The following ADGRL3 variants were observed in gnomAD, a reference collection of about 807,000 sequenced individuals.
ADGRL3 encodes adhesion G protein-coupled receptor L3, also known as calcium-independent alpha-latrotoxin receptor 3.
Under a neutral mutation model 153.5 loss-of-function variants are expected in ADGRL3, and 62 were observed. That is an observed-to-expected ratio of 0.40 (90% CI 0.33 to 0.50). The LOEUF (loss-of-function observed/expected upper bound fraction) is 0.50. ADGRL3 is among the 20% of genes least tolerant of loss of function. The probability of loss-of-function intolerance (pLI) is 0.47; values close to 1 mark genes in which losing one functional copy is unlikely to be tolerated. For synonymous variants in ADGRL3, 710 were observed against 672.5 expected (o/e 1.06, Z -0.86); for missense variants, 1,641 against 1,859.4 (o/e 0.88, Z 2.16).
intron 1 of ADGRL3, among the ~76,000 whole-genome samples, chr4:61,215,970 A>C (rs1417431325): frequency 1.3e-5 from 2 of 152,094 alleles, no homozygotes; most frequent in Non-Finnish European, 2.9e-5. Flanking sequence ...TTCATCTGTA[A>C]GTAGAAGATA....
At chr4:61,465,758 A>AATATATATATAC in intron 2 of ADGRL3, among the ~76,000 whole-genome samples, 1 of 130,156 alleles carries the variant, frequency 7.7e-6, no homozygotes, top group South Asian at 2.5e-4. Flanking sequence ...ATTATATATA[A>AATATATATATAC]ATATATATAT....
intron 23 of ADGRL3, among the ~76,000 whole-genome samples, chr4:62,034,775 G>C (rs1451431748): frequency 2.0e-5 from 3 of 151,830 alleles, no homozygotes. Flanking sequence ...CTTTTTCTGA[G>C]TATGGATTGT....
At chr4:61,523,062 T>TGC (rs1042817334) in intron 4 of ADGRL3, among the ~76,000 whole-genome samples, 1 of 150,982 alleles carries the variant, frequency 6.6e-6, no homozygotes, top group Non-Finnish European at 1.5e-5. Flanking sequence ...ATTGTGCGTG[T>TGC]GTGTGTGTGT....
At chr4:61,889,896 AG>A (rs2098561174) in intron 9 of ADGRL3, among the ~76,000 whole-genome samples, 1 of 152,182 alleles carries the variant, frequency 6.6e-6, no homozygotes, top group African/African-American at 2.4e-5. Context: ...CACCTCCCAG[AG>A]AGTTATATGC....
Position 61,296,196 on chromosome 4 carries a change from G to GT in ADGRL3, c.-239-86922dup, listed in dbSNP as rs201357855. On this transcript the variant is annotated intron_variant, in intron 1 of 26. Transcript: ENST00000683033. ...AAAGCAAAGCTAACTTAATAATACT[G>GT]TTTTTTCTGTTGCTGTGTCAAATTA... Among the ~76,000 whole-genome samples, 1,016 of 152,224 alleles carry GT rather than the reference G, an allele frequency of 6.7e-3. 21 individuals carry two copies. The highest frequency in any genetic ancestry group is 0.023 in the African/African-American group (968 of 41,528).
chr4:61,561,881 C>A (rs943611625), intron 4 of ADGRL3, among the ~76,000 whole-genome samples: 1 of 151,944 alleles, frequency 6.6e-6, no homozygotes, highest in Non-Finnish European at 1.5e-5. Flanking sequence ...CTTAAGCAAT[C>A]GTACCACCTC....
intron 7 of ADGRL3, among the ~76,000 whole-genome samples, 153 bp downstream of exon 7, chr4:61,730,789 T>C (rs1284350607): frequency 6.6e-6 from 1 of 151,962 alleles, no homozygotes; most frequent in African/African-American, 2.4e-5. Flanking sequence ...TTAATCTGTA[T>C]TACTGACAAG....
At chr4:61,466,676 A>G (rs1240952076) in intron 2 of ADGRL3, among the ~76,000 whole-genome samples, 8 of 152,156 alleles carry the variant, frequency 5.3e-5, no homozygotes, top group Admixed American at 1.3e-4. Context: ...TATGGTGCAA[A>G]GTAGGCACTC....
intron 8 of ADGRL3, among the ~76,000 whole-genome samples, chr4:61,776,862 T>C (rs937300136): frequency 3.9e-5 from 6 of 152,216 alleles, no homozygotes; most frequent in Non-Finnish European, 8.8e-5. Flanking sequence ...TGATTTATAC[T>C]TTTCCATTAA....
At chr4:61,225,905 T>C (rs1235814814) in intron 1 of ADGRL3, among the ~76,000 whole-genome samples, 1 of 152,174 alleles carries the variant, frequency 6.6e-6, no homozygotes, top group Non-Finnish European at 1.5e-5. Context: ...TCCAGTAATA[T>C]TTCCCTTGTC....
At chr4:61,794,857 T>C (rs1176154987) in intron 8 of ADGRL3, among the ~76,000 whole-genome samples, 5 of 152,232 alleles carry the variant, frequency 3.3e-5, no homozygotes, top group Non-Finnish European at 7.3e-5. Context: ...CTAATGACAA[T>C]TTTGAGCATA....
intron 1 of ADGRL3, among the ~76,000 whole-genome samples, chr4:61,286,318 T>TG (rs2093941316): frequency 6.6e-6 from 1 of 151,218 alleles, no homozygotes; most frequent in Non-Finnish European, 1.5e-5. Flanking sequence ...TTTTTTTTTT[T>TG]GAAATTTTAG....
chr4:61,328,550 C>A (rs2095509040), intron 1 of ADGRL3, among the ~76,000 whole-genome samples: 1 of 152,004 alleles, frequency 6.6e-6, no homozygotes, highest in Non-Finnish European at 1.5e-5. Flanking sequence ...AAACTCCTAT[C>A]TATTACAAGA....
intron 1 of ADGRL3, among the ~76,000 whole-genome samples, chr4:61,291,639 A>C (rs887830428): frequency 9.4e-6 from 1 of 106,908 alleles, no homozygotes; most frequent in Admixed American, 1.1e-4. Flanking sequence ...ATATTTATTT[A>C]TATATGCATG....
At chr4:61,807,723 G>A (rs537931755) in intron 8 of ADGRL3, among the ~76,000 whole-genome samples, 1 of 152,168 alleles carries the variant, frequency 6.6e-6, no homozygotes, top group East Asian at 1.9e-4. Flanking sequence ...GTATAAAGAA[G>A]CCCCTATATT....
chr4:61,346,070 T>C (rs2095897245), intron 1 of ADGRL3, among the ~76,000 whole-genome samples: 2 of 151,988 alleles, frequency 1.3e-5, no homozygotes. Context: ...ATAGCTGAAA[T>C]AGATATAAAC....
At chr4:61,417,872 TG>T (rs1406815177) in intron 2 of ADGRL3, among the ~76,000 whole-genome samples, 1 of 152,080 alleles carries the variant, frequency 6.6e-6, no homozygotes, top group East Asian at 1.9e-4. Context: ...GATTGTATGT[TG>T]GTAGTAGAGC....
chr4:61,720,527 C>T (rs564146162), intron 6 of ADGRL3, among the ~76,000 whole-genome samples: 2 of 152,260 alleles, frequency 1.3e-5, no homozygotes, highest in South Asian at 4.1e-4. Flanking sequence ...TATAACTTAG[C>T]AGATAAAGCA....
chr4:61,960,116 C>A lies in ADGRL3; in HGVS notation c.2805+11840C>A, dbSNP rs570846892. 3.3e-5 allele frequency among the ~76,000 whole-genome samples: 5 copies of A among 152,208 alleles called. No homozygotes were observed. The South Asian group carries it at 6.2e-4, about 19-fold the overall frequency. ...AATATTAACTTTATCCAAAAGCTAACCTTTTAGAACCAAGAATTTTTTGGT... is the reference window on the plus strand; with the variant it reads ...AATATTAACTTTATCCAAAAGCTAAACTTTTAGAACCAAGAATTTTTTGGT... On this transcript the variant is annotated intron_variant, in intron 17 of 26. Coordinates refer to ENST00000683033, the MANE Select transcript of ADGRL3 (RefSeq NM_001387552.1).
Sources: allele counts gnomAD v4.1 joint callset (sites outside exome capture counted in the v4.1 genomes callset), GRCh38; gene constraint gnomAD v4.1.1; transcripts MANE v1.5; gene names NCBI Gene and HGNC (gene_info 2026-07-23, HGNC 2026-07-21).